LMLN: variants seen among roughly 807,000 people sequenced by gnomAD.
LMLN encodes the protein leishmanolysin like peptidase, also known as leishmanolysin-like peptidase.
In LMLN, 70 loss-of-function variants were observed where a neutral mutation model predicts 92.3. The observed-to-expected ratio is 0.76, with a 90% CI of 0.63 to 0.92. The LOEUF is 0.92. Among genes scored for constraint, LMLN ranks in the 40% least tolerant of loss-of-function variants. LMLN has a pLI of 0.00. For missense variants in LMLN, 691 were observed against 814.6 expected (o/e 0.85, Z 1.85); for synonymous variants, 308 against 296.2 (o/e 1.04, Z -0.41).
chr3:197,966,545 G>GTT (rs57088133), intron 1 of LMLN, among the ~76,000 whole-genome samples: 5 of 141,798 alleles, frequency 3.5e-5, no homozygotes, highest in East Asian at 4.1e-4. Flanking sequence ...TTTTCTAAGA[G>GTT]TTTTTTTTTT....
At chr3:197,980,189 T>G (rs1721515866) in intron 5 of LMLN, 137 bp from the exon 6 acceptor site, 2 of 621,764 alleles carry the variant, frequency 3.2e-6, no homozygotes, top group South Asian at 5.2e-5. Flanking sequence ...CAGGGAGGTA[T>G]GGATTTTGAT....
At chr3:197,976,392 G>T in intron 4 of LMLN, 1 of 507,652 alleles carries the variant, frequency 2.0e-6, no homozygotes, top group Non-Finnish European at 3.6e-6. Context: ...ATACAGTGTT[G>T]GCTTTATGAA....
intron 14 of LMLN, among the ~76,000 whole-genome samples, chr3:198,033,678 A>C (rs1342651954): frequency 6.6e-6 from 1 of 152,218 alleles, no homozygotes; most frequent in Non-Finnish European, 1.5e-5. Context: ...CTGGGATTAC[A>C]GGCATGAGCC....
In LMLN at chr3:197,985,017, T is replaced by C. The variant is rs144512657; in HGVS notation, c.835-779T>C. On this transcript the variant is annotated intron_variant, in intron 7 of 15. Coordinates refer to ENST00000330198, the Ensembl canonical transcript of LMLN. ...TCTGATAACCATGTGAAAATCCTTATAGGGAGAAAGTAGTAATGACTTGCC... is the reference window on the plus strand; with the variant it reads ...TCTGATAACCATGTGAAAATCCTTACAGGGAGAAAGTAGTAATGACTTGCC... Among the ~76,000 whole-genome samples, 20 of 152,238 alleles carry C rather than the reference T, an allele frequency of 1.3e-4. No individual in the cohort carries two copies. The East Asian group carries it at 3.1e-3, about 24-fold the overall frequency.
exon 16 of LMLN, chr3:198,038,904 G>GTCAGCAACCCAACCACCTTCA (rs1723313440): frequency 5.3e-6 from 1 of 189,444 alleles, no homozygotes; most frequent in African/African-American, 2.4e-4. Context: ...CAACCACCTC[G>GTCAGCAACCCAACCACCTTCA]TCAGCAACCC....
chr3:197,976,366 T>C (rs1463485108), intron 4 of LMLN: 3 of 480,106 alleles, frequency 6.2e-6, no homozygotes, highest in Non-Finnish European at 1.1e-5. Context: ...ATCACCTTTT[T>C]CCCTCTTTCA....
Position 198,025,965 on chromosome 3 carries a change from G to GT in LMLN, c.1656+1186dup, listed in dbSNP as rs569568870. Among the ~76,000 whole-genome samples, 32 of 150,416 alleles carry GT rather than the reference G, an allele frequency of 2.1e-4. No homozygotes were observed. Among genetic ancestry groups the GT allele is most frequent in the East Asian group, 1.4e-3 (7 of 5,114 alleles). On this transcript the variant is annotated intron_variant, in intron 14 of 15. Coordinates refer to ENST00000330198, the Ensembl canonical transcript of LMLN. The surrounding 1 kb of genome is among the most constrained non-coding windows in gnomAD (Gnocchi z 4.3). ...TTGGTAACTGCTTTTCTTCTTTTCT[G>GT]TTTTTTTTTGAGACAGGGTTTTGCT...
At position 198,025,130 on chromosome 3, in the gene LMLN, T is replaced by C; in HGVS notation, c.1656+342T>C. 6.6e-6 allele frequency among the ~76,000 whole-genome samples: 1 copy of C among 152,144 alleles called. No homozygotes were observed. Among genetic ancestry groups the C allele is most frequent in the East Asian group, 1.9e-4 (1 of 5,178 alleles). ...TATTTCAAAAGGTCTGAGGACCTCATGGGTTATAAGAATTAGTAAATCAGG... is the reference window on the plus strand; with the variant it reads ...TATTTCAAAAGGTCTGAGGACCTCACGGGTTATAAGAATTAGTAAATCAGG... On this transcript the variant is annotated intron_variant, in intron 14 of 15. Coordinates refer to ENST00000330198, the Ensembl canonical transcript of LMLN. The surrounding 1 kb of genome is among the most constrained non-coding windows in gnomAD (Gnocchi z 4.3).
chr3:197,983,042 A>G (rs1721602544), intron 6 of LMLN, among the ~76,000 whole-genome samples: 1 of 152,262 alleles, frequency 6.6e-6, no homozygotes, highest in African/African-American at 2.4e-5. Flanking sequence ...AGTGAAATCC[A>G]TTTTATATTT....
At chr3:198,030,781 T>C (rs1723057346) in intron 14 of LMLN, among the ~76,000 whole-genome samples, 2 of 152,214 alleles carry the variant, frequency 1.3e-5, no homozygotes, top group African/African-American at 4.8e-5. Flanking sequence ...TAGTGGAGAT[T>C]TGAGGAGTAT....
At chr3:198,002,444 C>CT (rs2109904089) in intron 11 of LMLN, among the ~76,000 whole-genome samples, 1 of 152,328 alleles carries the variant, frequency 6.6e-6, no homozygotes, top group East Asian at 1.9e-4. Flanking sequence ...CATTTAAAAA[C>CT]TAATGGACAT....
chr3:198,038,073 C>T (rs527954693), intron 15 of LMLN, among the ~76,000 whole-genome samples: 1 of 148,174 alleles, frequency 6.7e-6, no homozygotes, highest in African/African-American at 2.4e-5. Flanking sequence ...TCTCCCTTGC[C>T]TCCTCACAGT....
intron 11 of LMLN, among the ~76,000 whole-genome samples, chr3:198,016,771 G>A (rs986831571): frequency 2.6e-5 from 4 of 152,142 alleles, no homozygotes; most frequent in African/African-American, 9.7e-5. Flanking sequence ...CTAAAACTGT[G>A]GGTCCCCTGA....
intron 6 of LMLN, among the ~76,000 whole-genome samples, chr3:197,983,029 G>A (rs972493682): frequency 6.6e-6 from 1 of 152,116 alleles, no homozygotes; most frequent in African/African-American, 2.4e-5. Context: ...TTTTAAGCCT[G>A]GAAGTGAAAT....
At chr3:197,963,171 G>T (rs1336724972) in intron 1 of LMLN, among the ~76,000 whole-genome samples, 1 of 151,130 alleles carries the variant, frequency 6.6e-6, no homozygotes, top group African/African-American at 2.4e-5. Flanking sequence ...TATAGATCTT[G>T]CATTTTTTCT....
At chr3:198,024,746 G>A in exon 14 of LMLN, 1 of 1,612,022 alleles carries the variant, frequency 6.2e-7, no homozygotes, top group Non-Finnish European at 8.5e-7. Flanking sequence ...AGAAGTGTGA[G>A]AGGAAGCTGA....
intron 8 of LMLN, among the ~76,000 whole-genome samples, chr3:197,988,612 A>G (rs956018381): frequency 3.3e-5 from 5 of 149,734 alleles, no homozygotes; most frequent in African/African-American, 7.4e-5. Flanking sequence ...TTCCCACCTC[A>G]GCCTCCTGAG....
intron 3 of LMLN, among the ~76,000 whole-genome samples, chr3:197,975,500 C>T (rs545111115): frequency 6.5e-4 from 96 of 148,168 alleles, no homozygotes; most frequent in Middle Eastern, 3.4e-3. Flanking sequence ...CACACACACG[C>T]GCACGTGCAC....
intron 5 of LMLN, among the ~76,000 whole-genome samples, chr3:197,977,366 T>TAC (rs200427498): frequency 6.6e-6 from 1 of 152,038 alleles, no homozygotes; most frequent in Non-Finnish European, 1.5e-5. Context: ...AATCTGGAAG[T>TAC]ACACACGTTA....
Sources: allele counts gnomAD v4.1 joint callset (sites outside exome capture counted in the v4.1 genomes callset), GRCh38; gene constraint gnomAD v4.1.1; non-coding constraint Gnocchi (gnomAD v3.1); transcripts MANE v1.5; gene names NCBI Gene and HGNC (gene_info 2026-07-23, HGNC 2026-07-21).